The following PRKG1 variants were observed in gnomAD, a reference collection of about 807,000 sequenced individuals.
PRKG1 encodes cGMP-dependent protein kinase 1.
A neutral mutation model predicts 88.1 loss-of-function variants in PRKG1; 35 were observed. The observed-to-expected ratio is 0.40, with a 90% CI of 0.30 to 0.53. PRKG1 has a LOEUF of 0.53. Among genes scored for constraint, PRKG1 ranks in the 20% least tolerant of loss-of-function variants. PRKG1 has a pLI of 0.59. For synonymous variants in PRKG1, 303 were observed against 292.5 expected (o/e 1.04, Z -0.37); for missense variants, 540 against 839.8 (o/e 0.64, Z 4.41).
intron 2 of PRKG1, among the ~76,000 whole-genome samples, chr10:51,370,318 T>A (rs1330356799): frequency 3.3e-5 from 5 of 152,132 alleles, no homozygotes; most frequent in Admixed American, 1.3e-4. Flanking sequence ...AATGGATCCA[T>A]CCTTATTTCT....
intron 3 of PRKG1, among the ~76,000 whole-genome samples, chr10:51,710,078 G>A (rs145894266): frequency 1.3e-5 from 2 of 152,266 alleles, no homozygotes; most frequent in African/African-American, 4.8e-5. Context: ...AAATGTGAAC[G>A]AAAATGTGAC....
At chr10:51,903,898 C>A (rs779857392) in intron 4 of PRKG1, among the ~76,000 whole-genome samples, 1 of 152,028 alleles carries the variant, frequency 6.6e-6, no homozygotes, top group Non-Finnish European at 1.5e-5. Context: ...TCTCAGTTGT[C>A]TTATCTATAC....
chr10:51,457,174 C>T (rs1839607775), intron 2 of PRKG1, among the ~76,000 whole-genome samples: 1 of 152,100 alleles, frequency 6.6e-6, no homozygotes, highest in Non-Finnish European at 1.5e-5. Context: ...ATGGAACCAG[C>T]CTAAATGTCC....
chr10:51,873,592 A>G (rs1223329206), intron 4 of PRKG1, among the ~76,000 whole-genome samples: 1 of 145,478 alleles, frequency 6.9e-6, no homozygotes, highest in African/African-American at 2.6e-5. Context: ...CAGTGTCATG[A>G]TCTCAGCTCA....
At chr10:51,229,007 C>T (rs1402931910) in intron 2 of PRKG1, among the ~76,000 whole-genome samples, 1 of 152,162 alleles carries the variant, frequency 6.6e-6, no homozygotes, top group Admixed American at 6.5e-5. Context: ...CCTTTTTCCA[C>T]TACTCACTCC....
chr10:51,656,995 C>T (rs1331492446), intron 3 of PRKG1, among the ~76,000 whole-genome samples: 1 of 152,122 alleles, frequency 6.6e-6, no homozygotes, highest in East Asian at 1.9e-4. Flanking sequence ...CCTCAGTTTT[C>T]TCACCTGTAA....
chr10:51,074,779 G>C lies in PRKG1; in HGVS notation c.189G>C (p.Gln63His), dbSNP rs2132804540. ...CAGCCACCCAGCAGGCGCAGAAGCA[G>C]AGCGCGAGCACCTTGCAGGGCGAGC... The part of the protein sequence containing the change: ...IRPATQQAQK[Q>H]SASTLQGEPR... Residue 63 changes from glutamine to histidine, a missense_variant, in exon 1 of 18, where the codon CAG becomes CAC. Gln to His is a conservative substitution (Grantham distance 24). This residue lies in a region of PRKG1 where 400 missense variants were observed against 562.7 expected (regional missense o/e 0.71). Transcript: ENST00000373980. 1.2e-6 allele frequency: 2 copies of C among 1,614,026 alleles called. No homozygotes were observed. Among genetic ancestry groups the C allele is most frequent in the Non-Finnish European group, 1.7e-6 (2 of 1,179,956 alleles).
At chr10:51,300,345 A>G (rs965873070) in intron 2 of PRKG1, among the ~76,000 whole-genome samples, 3 of 152,158 alleles carry the variant, frequency 2.0e-5, no homozygotes, top group African/African-American at 7.2e-5. Context: ...TTGTGGAGTA[A>G]TAGTATATTA....
intron 5 of PRKG1, among the ~76,000 whole-genome samples, chr10:52,031,693 T>C (rs1281552557): frequency 6.6e-6 from 1 of 152,164 alleles, no homozygotes; most frequent in East Asian, 1.9e-4. Flanking sequence ...TAGATGGAGA[T>C]GGAGGGTAGA....
At chr10:51,012,034 A>T (rs1344510777) in intron 1 of PRKG1, among the ~76,000 whole-genome samples, 2 of 152,206 alleles carry the variant, frequency 1.3e-5, no homozygotes, top group African/African-American at 4.8e-5. Context: ...TCACTATCAC[A>T]AGAACAGCAC....
chr10:51,545,331 C>G (rs971084439), intron 3 of PRKG1, among the ~76,000 whole-genome samples: 1 of 152,058 alleles, frequency 6.6e-6, no homozygotes, highest in African/African-American at 2.4e-5. Context: ...TGCAGTTATG[C>G]CATGTGTTAC....
intron 2 of PRKG1, among the ~76,000 whole-genome samples, chr10:51,160,216 T>C (rs1479195645): frequency 6.6e-6 from 1 of 152,230 alleles, no homozygotes; most frequent in Non-Finnish European, 1.5e-5. Context: ...TGTTTAGTTT[T>C]GAATATTCTT....
chr10:51,613,099 A>G (rs979991389), intron 3 of PRKG1, among the ~76,000 whole-genome samples: 9 of 151,672 alleles, frequency 5.9e-5, no homozygotes, highest in African/African-American at 9.7e-5. Flanking sequence ...GATTGATATT[A>G]GTACTTCTTT....
chr10:51,980,220 CTTAAT>C (rs1391954245), intron 5 of PRKG1, among the ~76,000 whole-genome samples: 1 of 152,028 alleles, frequency 6.6e-6, no homozygotes, highest in African/African-American at 2.4e-5. Flanking sequence ...TGATTTCTAC[CTTAAT>C]TTAATTATTT....
chr10:51,498,286 T>C (rs1483481494), intron 3 of PRKG1, among the ~76,000 whole-genome samples: 1 of 152,294 alleles, frequency 6.6e-6, no homozygotes. Context: ...CGGAAATACT[T>C]AGTCTTGGCT....
At chr10:51,897,019 A>T (rs1841867756) in intron 4 of PRKG1, among the ~76,000 whole-genome samples, 1 of 152,200 alleles carries the variant, frequency 6.6e-6, no homozygotes, top group Non-Finnish European at 1.5e-5. Context: ...TGATGTGTAA[A>T]GTAGATTGAA....
intron 3 of PRKG1, among the ~76,000 whole-genome samples, chr10:51,630,928 T>G (rs1248246548): frequency 6.6e-6 from 1 of 152,196 alleles, no homozygotes; most frequent in African/African-American, 2.4e-5. Flanking sequence ...TTCAATGATT[T>G]CTTCTGTTCT....
At chr10:52,123,591 A>G (rs1318589687) in intron 7 of PRKG1, among the ~76,000 whole-genome samples, 2 of 152,154 alleles carry the variant, frequency 1.3e-5, no homozygotes, top group Non-Finnish European at 2.9e-5. Flanking sequence ...TTTTAAGGAC[A>G]GAGATCATAT....
intron 1 of PRKG1, among the ~76,000 whole-genome samples, chr10:50,997,137 T>A (rs1481409446): frequency 6.6e-6 from 1 of 152,202 alleles, no homozygotes; most frequent in Non-Finnish European, 1.5e-5. Flanking sequence ...CTTTAAAGGA[T>A]CTCGGAAATA....
Sources: gnomAD v4.1 joint callset for allele counts (sites outside exome capture counted in the v4.1 genomes callset) on GRCh38, gnomAD v4.1.1 for gene constraint, gnomAD v4.1.1 regional missense constraint, MANE v1.5 for transcripts, NCBI Gene and HGNC (gene_info 2026-07-23, HGNC 2026-07-21) for gene names.